The following CBX6 variants were observed in gnomAD, a reference collection of about 807,000 sequenced individuals.
CBX6 encodes the protein chromobox protein homolog 6.
Under a neutral mutation model 28.4 loss-of-function variants are expected in CBX6, and 7 were observed. The observed-to-expected ratio is 0.25, with a 90% CI of 0.14 to 0.46. The LOEUF (loss-of-function observed/expected upper bound fraction) is 0.46, where lower values mean the gene tolerates loss of function less well. Among genes scored for constraint, CBX6 ranks in the 20% least tolerant of loss-of-function variants. The pLI, the probability that CBX6 is intolerant of heterozygous loss-of-function variation, is 0.99. For missense variants in CBX6, 512 were observed against 606.1 expected (o/e 0.84, Z 1.63); for synonymous variants, 297 against 273.4 (o/e 1.09, Z -0.85).
At chr22:38,868,891 C>T (rs2093176270) in intron 4 of CBX6, among the ~76,000 whole-genome samples, 1 of 152,174 alleles carries the variant, frequency 6.6e-6, no homozygotes, top group Non-Finnish European at 1.5e-5. Context: ...TGTTTGCTGG[C>T]TTATTTGTTG....
In CBX6 at chr22:38,871,173, C is replaced by A. The variant is rs933598181; in HGVS notation, c.246+307G>T. The A allele has an allele frequency of 9.6e-5, 47 of 488,114 alleles. No individual in the cohort carries two copies. The highest frequency in any genetic ancestry group is 1.5e-4 in the Non-Finnish European group (42 of 273,682). The allele number at this position is 488,114 out of a possible 1,614,324, so 30.2% of individuals were successfully genotyped here. ...TAACAGCTCAAACAAATGCCCCCTT[C>A]CCATGGGCATCCCCCACCTGCCTCA... is the stretch of plus-strand genomic sequence containing the variant. On this transcript the variant is annotated intron_variant, in intron 4 of 4. Transcript: ENST00000407418. This position sits in a 1 kb window ranked among gnomAD's most constrained non-coding sequence, Gnocchi z 5.6.
In CBX6 at chr22:38,863,491, C is replaced by T. The variant is rs1042793455; in HGVS notation, c.*2718G>A. ...GCTGATCTCCCAAGGGAGGCCGATC[C>T]GTGCAAGTGTGTGGGAGGCGGGGGT... On this transcript the variant is annotated 3_prime_UTR_variant, in exon 5 of 5. Coordinates refer to ENST00000407418, the MANE Select transcript of CBX6 (RefSeq NM_014292.5). The T allele has an allele frequency of 6.6e-6, 1 of 151,604 alleles. No individual in the cohort carries two copies. The highest frequency in any genetic ancestry group is 1.5e-5 in the Non-Finnish European group (1 of 67,934). 9.4% of individuals were successfully genotyped at this position (151,604 alleles called of 1,614,324 possible).
Position 38,866,190 on chromosome 22 carries a change from C to A in CBX6, c.*19G>T, listed in dbSNP as rs559300132. On this transcript the variant is annotated 3_prime_UTR_variant, in exon 5 of 5. Transcript: ENST00000407418. The surrounding 1 kb of genome is among the most constrained non-coding windows in gnomAD (Gnocchi z 7.5). ...GGGCAGGAGGGCCCCCCCAAGCCCC[C>A]CTCCTTGGTGGAGCCCCCTCACTTG... 3 of 1,554,226 alleles carry A rather than the reference C, an allele frequency of 1.9e-6. No individual in the cohort carries two copies. Among genetic ancestry groups the A allele is most frequent in the Non-Finnish European group, 2.6e-6 (3 of 1,139,430 alleles).
At position 38,865,777 on chromosome 22, in the gene CBX6, C is replaced by T. The variant is rs2093167929; in HGVS notation, c.*432G>A. 1 of 173,496 alleles carries T rather than the reference C, an allele frequency of 5.8e-6. No homozygotes were observed. The highest frequency in any genetic ancestry group is 1.2e-5 in the Non-Finnish European group (1 of 80,972). The allele number at this position is 173,496 out of a possible 1,614,324, so 10.7% of individuals were successfully genotyped here. A position where few individuals can be genotyped will look rare whatever the true frequency, so the allele number is the denominator to read the frequency against. Reference sequence around the variant, plus strand: ...TTTGCCAAACAGGCAGGAAGCCCTCCTCCTGCCTAGGCATCTGCAGGAAGG... The same window carrying T: ...TTTGCCAAACAGGCAGGAAGCCCTCTTCCTGCCTAGGCATCTGCAGGAAGG... On this transcript the variant is annotated 3_prime_UTR_variant, in exon 5 of 5. Transcript: ENST00000407418.
In CBX6 at chr22:38,863,402, T is replaced by C. The variant is rs1464485524; in HGVS notation, c.*2807A>G. 11 of 152,140 alleles carry C rather than the reference T, an allele frequency of 7.2e-5. No homozygotes were observed. The highest frequency in any genetic ancestry group is 2.6e-4 in the Admixed American group (4 of 15,302). 9.4% of individuals were successfully genotyped at this position (152,140 alleles called of 1,614,324 possible). On this transcript the variant is annotated 3_prime_UTR_variant, in exon 5 of 5. Transcript: ENST00000407418. ...CATACAAAAATAAAGCAAACCAGAT[T>C]GCAACTTCTGCTTGGTAATTAGGCA...
In CBX6 at chr22:38,866,394, CGGA is replaced by C. The variant is rs769201890; in HGVS notation, c.1051_1053del (p.Ser351del). 11 of 1,613,154 alleles carry C rather than the reference CGGA, an allele frequency of 6.8e-6. No individual in the cohort carries two copies. In the South Asian group the frequency reaches 7.7e-5, roughly 11 times the overall value. ...GGGCGCCAGTCCCCAGCCTCGGGCT[CGGA>C]GGAGGCACCGGCGGGCTCAGGGGCC... On this transcript the variant is annotated inframe_deletion, in exon 5 of 5. Transcript: ENST00000407418. This position sits in a 1 kb window ranked among gnomAD's most constrained non-coding sequence, Gnocchi z 7.5.
chr22:38,866,128 G>T lies in CBX6; in HGVS notation c.*81C>A. 2 of 1,015,620 alleles carry T rather than the reference G, an allele frequency of 2.0e-6. No individual in the cohort carries two copies. The highest frequency in any genetic ancestry group is 1.6e-5 in the South Asian group (1 of 63,718). 62.9% of individuals were successfully genotyped at this position (1,015,620 alleles called of 1,614,324 possible). A position where few individuals can be genotyped will look rare whatever the true frequency, so the allele number is the denominator to read the frequency against. On this transcript the variant is annotated 3_prime_UTR_variant, in exon 5 of 5. Coordinates refer to ENST00000407418, the MANE Select transcript of CBX6 (RefSeq NM_014292.5). This position sits in a 1 kb window ranked among gnomAD's most constrained non-coding sequence, Gnocchi z 7.5. Reference sequence around the variant, plus strand: ...AAGCAAAGCACAGGGAGAGAGGGCTGGGGGCAAGGGTGGGGTGGGAGCAAG... The same window carrying T: ...AAGCAAAGCACAGGGAGAGAGGGCTTGGGGCAAGGGTGGGGTGGGAGCAAG...
rs965687633 is a variant in CBX6 at position 38,862,378 on chromosome 22, C to T, written c.*3831G>A. ...CATGCAGATAGGGAAGAAACTAAAA[C>T]CTTTCAATGTCTTCCTTTTTTCTTT... On this transcript the variant is annotated 3_prime_UTR_variant, in exon 5 of 5. Coordinates refer to ENST00000407418, the MANE Select transcript of CBX6 (RefSeq NM_014292.5). 1 of 152,134 alleles carries T rather than the reference C, an allele frequency of 6.6e-6. No homozygotes were observed. The highest frequency in any genetic ancestry group is 2.4e-5 in the African/African-American group (1 of 41,432). The allele number at this position is 152,134 out of a possible 1,614,324, so 9.4% of individuals were successfully genotyped here. A position where few individuals can be genotyped will look rare whatever the true frequency, so the allele number is the denominator to read the frequency against.
rs1202460489 is a variant in CBX6, at chr22:38,863,153, A to G, written c.*3056T>C. Reference sequence around the variant, plus strand: ...CTGACACCAGCAGCGCTTTCTGAAGAGGGCTTGCTACCCAATACACCCATT... The same window carrying G: ...CTGACACCAGCAGCGCTTTCTGAAGGGGGCTTGCTACCCAATACACCCATT... On this transcript the variant is annotated 3_prime_UTR_variant, in exon 5 of 5. Transcript: ENST00000407418. The G allele has an allele frequency of 6.6e-6, 1 of 152,212 alleles. No individual in the cohort carries two copies. Among genetic ancestry groups the G allele is most frequent in the Non-Finnish European group, 1.5e-5 (1 of 68,062 alleles). The allele number at this position is 152,212 out of a possible 1,614,324, so 9.4% of individuals were successfully genotyped here. A position where few individuals can be genotyped will look rare whatever the true frequency, so the allele number is the denominator to read the frequency against.
intron 4 of CBX6, among the ~76,000 whole-genome samples, chr22:38,867,522 G>A (rs1027287923): frequency 7.9e-5 from 12 of 152,176 alleles, no homozygotes; most frequent in Non-Finnish European, 1.8e-4. Flanking sequence ...TTGCTGACAC[G>A]GAGGAGTGTC....
In CBX6 at chr22:38,866,666, A is replaced by C; in HGVS notation, c.782T>G (p.Leu261Arg). ...GTCGTAGGGGGCGGCGGGGGCGGCCAGAAGTAGCCCAGGGCCCGGGGCTGA... is the reference window on the plus strand; with the variant it reads ...GTCGTAGGGGGCGGCGGGGGCGGCCCGAAGTAGCCCAGGGCCCGGGGCTGA... ...EASAPGPGLL[L>R]AAPAAPYDAR... Residue 261 changes from leucine (L) to arginine (R), a missense_variant, in exon 5 of 5, where the codon CTG (leucine) becomes CGG (arginine). Physicochemically the swap from Leu to Arg is moderately radical, Grantham distance 102. Around this residue, in one of 7 missense-constraint regions of CBX6, gnomAD observed 290 missense variants for 274.1 expected, o/e 1.06. Coordinates refer to ENST00000407418, the MANE Select transcript of CBX6 (RefSeq NM_014292.5). The surrounding 1 kb of genome is among the most constrained non-coding windows in gnomAD (Gnocchi z 7.5). 1 of 1,372,296 alleles carries C rather than the reference A, an allele frequency of 7.3e-7. No homozygotes were observed. The highest frequency in any genetic ancestry group is 3.3e-5 in the East Asian group (1 of 29,878). 85.0% of individuals were successfully genotyped at this position (1,372,296 alleles called of 1,614,324 possible).
In CBX6 at chr22:38,872,184, G is replaced by C; in HGVS notation, c.7C>G (p.Leu3Val). The change falls in exon 1 of 5, where the codon CTG (leucine) becomes GTG (valine). Residue 3 changes from leucine (L) to valine (V), a missense_variant. This residue lies in a region of CBX6 where 27 missense variants were observed against 30.9 expected (regional missense o/e 0.87). Coordinates refer to ENST00000407418, the MANE Select transcript of CBX6 (RefSeq NM_014292.5). This position sits in a 1 kb window ranked among gnomAD's most constrained non-coding sequence, Gnocchi z 5.0. ...AAGACCCGCTCGCCCACTGCAGACA[G>C]CTCCATCTTGCTCAGCGGCACCCAC... ME[L>V]SAVGERVFAA... The C allele has an allele frequency of 7.1e-7, 1 of 1,405,126 alleles. No individual in the cohort carries two copies. Among genetic ancestry groups the C allele is most frequent in the Non-Finnish European group, 9.4e-7 (1 of 1,061,160 alleles). 87.0% of individuals were successfully genotyped at this position (1,405,126 alleles called of 1,614,324 possible). A position where few individuals can be genotyped will look rare whatever the true frequency, so the allele number is the denominator to read the frequency against.
chr22:38,867,033 G>C lies in CBX6; in HGVS notation c.415C>G (p.Pro139Ala). The C allele has an allele frequency of 6.2e-7, 1 of 1,605,442 alleles. No homozygotes were observed. ...MSRRPLPRPD[P>A]QGGSPGLRPP... Reference sequence around the variant, plus strand: ...CGCAGTCCGGGGCTGCCCCCCTGCGGGTCCGGGCGGGGCAGGGGACGGCGG... The same window carrying C: ...CGCAGTCCGGGGCTGCCCCCCTGCGCGTCCGGGCGGGGCAGGGGACGGCGG... Residue 139 changes from proline (P) to alanine (A), a missense_variant, in exon 5 of 5, where the codon CCG becomes GCG. By Grantham distance (27) the Pro-to-Ala change is conservative. This residue lies in a region of CBX6 where 123 missense variants were observed against 138.1 expected (regional missense o/e 0.89). Transcript: ENST00000407418.
rs2093168689 is a variant in CBX6, at chr22:38,866,124, G to C, written c.*85C>G. On this transcript the variant is annotated 3_prime_UTR_variant, in exon 5 of 5. Transcript: ENST00000407418. The surrounding 1 kb of genome is among the most constrained non-coding windows in gnomAD (Gnocchi z 7.5). Reference sequence around the variant, plus strand: ...AGACAAGCAAAGCACAGGGAGAGAGGGCTGGGGGCAAGGGTGGGGTGGGAG... The same window carrying C: ...AGACAAGCAAAGCACAGGGAGAGAGCGCTGGGGGCAAGGGTGGGGTGGGAG... The C allele has an allele frequency of 2.0e-6, 2 of 988,420 alleles. No individual in the cohort carries two copies. The highest frequency in any genetic ancestry group is 1.5e-6 in the Non-Finnish European group (1 of 670,566). 61.2% of individuals were successfully genotyped at this position (988,420 alleles called of 1,614,324 possible). A position where few individuals can be genotyped will look rare whatever the true frequency, so the allele number is the denominator to read the frequency against.
Position 38,867,157 on chromosome 22 carries a change from G to A in CBX6, c.291C>T (p.Phe97=), listed in dbSNP as rs202116470. Residue 97 remains phenylalanine (F), a synonymous_variant, in exon 5 of 5, where the codon TTC becomes TTT. Coordinates refer to ENST00000407418, the MANE Select transcript of CBX6 (RefSeq NM_014292.5). ...AEALRISDVH[F]SVKPSASASS... is the part of the protein sequence containing the mutation. ...AGGCACTGGCGCTCGGCTTGACAGA[G>A]AAATGCACATCACTGATGCGGAGGG... The A allele has an allele frequency of 1.2e-5, 16 of 1,329,992 alleles. No individual in the cohort carries two copies. In the East Asian group the frequency reaches 6.9e-4, roughly 57 times the overall value. 82.4% of individuals were successfully genotyped at this position (1,329,992 alleles called of 1,614,324 possible). A position where few individuals can be genotyped will look rare whatever the true frequency, so the allele number is the denominator to read the frequency against.
In CBX6 at chr22:38,872,102, C is replaced by G. The variant is rs2093183736; in HGVS notation, c.69+20G>C. 2 of 1,365,706 alleles carry G rather than the reference C, an allele frequency of 1.5e-6. No homozygotes were observed. Among genetic ancestry groups the G allele is most frequent in the South Asian group, 3.0e-5 (2 of 65,660 alleles). 84.6% of individuals were successfully genotyped at this position (1,365,706 alleles called of 1,614,324 possible). On this transcript the variant is annotated intron_variant, in intron 1 of 4. Coordinates refer to ENST00000407418, the MANE Select transcript of CBX6 (RefSeq NM_014292.5). The surrounding 1 kb of genome is among the most constrained non-coding windows in gnomAD (Gnocchi z 5.0). ...GCCCCGGCTGCGGACAGCGGCGGCCCGCCCCGGGCGGCGGCTCACCTTTCG... is the reference window on the plus strand; with the variant it reads ...GCCCCGGCTGCGGACAGCGGCGGCCGGCCCCGGGCGGCGGCTCACCTTTCG...
intron 4 of CBX6, among the ~76,000 whole-genome samples, chr22:38,867,785 A>T (rs1603250373): frequency 6.6e-6 from 1 of 152,208 alleles, no homozygotes; most frequent in African/African-American, 2.4e-5. Context: ...GCTGGCCAGC[A>T]CCTCAGCCAC....
rs139556280 is a variant in CBX6 at position 38,867,943 on chromosome 22, A to T, written c.247-742T>A. Among the ~76,000 whole-genome samples, 634 of 152,342 alleles carry T rather than the reference A, an allele frequency of 4.2e-3. 8 individuals are homozygous for T. The highest frequency in any genetic ancestry group is 0.015 in the African/African-American group (605 of 41,580). On this transcript the variant is annotated intron_variant, in intron 4 of 4. Coordinates refer to ENST00000407418, the MANE Select transcript of CBX6 (RefSeq NM_014292.5). ...GACAGGCCTAGAAGTGGGCCCGACCACTGCCTATTCTCTGTGCCAAGATGG... is the reference window on the plus strand; with the variant it reads ...GACAGGCCTAGAAGTGGGCCCGACCTCTGCCTATTCTCTGTGCCAAGATGG...
rs919647102 is a variant in CBX6 at position 38,871,315 on chromosome 22, A to T, written c.246+165T>A. 2.5e-5 allele frequency: 17 copies of T among 679,552 alleles called. No homozygotes were observed. Among genetic ancestry groups the T allele is most frequent in the Non-Finnish European group, 4.2e-5 (16 of 384,554 alleles). 42.1% of individuals were successfully genotyped at this position (679,552 alleles called of 1,614,324 possible). A position where few individuals can be genotyped will look rare whatever the true frequency, so the allele number is the denominator to read the frequency against. On this transcript the variant is annotated intron_variant, in intron 4 of 4. Transcript: ENST00000407418. This position sits in a 1 kb window ranked among gnomAD's most constrained non-coding sequence, Gnocchi z 5.6. Reference sequence around the variant, plus strand: ...CTGATGCTGGCTGAGGCCTGCCATCAGGGGCTTCTGGGGGGGCTCACAACC... The same window carrying T: ...CTGATGCTGGCTGAGGCCTGCCATCTGGGGCTTCTGGGGGGGCTCACAACC...
Sources: allele counts gnomAD v4.1 joint callset (sites outside exome capture counted in the v4.1 genomes callset), GRCh38; gene constraint gnomAD v4.1.1; regional missense constraint gnomAD v4.1.1; non-coding constraint Gnocchi (gnomAD v3.1); transcripts MANE v1.5; gene names NCBI Gene and HGNC (gene_info 2026-07-23, HGNC 2026-07-21).